The following BNC2 variants were observed in gnomAD, a reference collection of about 807,000 sequenced individuals.
BNC2 encodes basonuclin zinc finger protein 2.
In BNC2, 20 loss-of-function variants were observed where a neutral mutation model predicts 76.3. The observed-to-expected ratio is 0.26, with a 90% CI of 0.18 to 0.38. BNC2 has a LOEUF of 0.38. BNC2 is among the 10% of genes least tolerant of loss of function. The probability of loss-of-function intolerance (pLI) is 1.00; values close to 1 mark genes in which losing one functional copy is unlikely to be tolerated. For missense variants in BNC2, 1,382 were observed against 1,399.8 expected (o/e 0.99, Z 0.20); for synonymous variants, 582 against 514.8 (o/e 1.13, Z -1.77).
chr9:16,793,735 G>T (rs1487681071), intron 1 of BNC2, among the ~76,000 whole-genome samples: 4 of 133,976 alleles, frequency 3.0e-5, no homozygotes, highest in Non-Finnish European at 6.1e-5. Context: ...GCGTGATCTG[G>T]GCTCATTGCA....
At chr9:16,532,987 C>T (rs1818028086) in intron 5 of BNC2, among the ~76,000 whole-genome samples, 2 of 152,312 alleles carry the variant, frequency 1.3e-5, no homozygotes, top group South Asian at 2.1e-4. Flanking sequence ...CAACACAACG[C>T]TAGCAATGTC....
intron 3 of BNC2, among the ~76,000 whole-genome samples, chr9:16,711,488 T>C (rs918940814): frequency 1.3e-5 from 2 of 152,246 alleles, no homozygotes; most frequent in Non-Finnish European, 2.9e-5. Context: ...AAGTGATTAT[T>C]GTTCGAAGAT....
At chr9:16,605,408 C>G (rs569861532) in intron 3 of BNC2, among the ~76,000 whole-genome samples, 23 of 152,336 alleles carry the variant, frequency 1.5e-4, no homozygotes, top group African/African-American at 5.5e-4. Flanking sequence ...CTCAATTTTA[C>G]AGGTAAAAAC....
intron 3 of BNC2, among the ~76,000 whole-genome samples, chr9:16,604,782 A>C (rs1165866622): frequency 6.6e-6 from 1 of 152,116 alleles, no homozygotes; most frequent in Non-Finnish European, 1.5e-5. Context: ...CAGCCTGGGC[A>C]ACAGAGAGAG....
intron 5 of BNC2, among the ~76,000 whole-genome samples, chr9:16,528,624 G>A (rs1658247026): frequency 6.6e-6 from 1 of 152,100 alleles, no homozygotes; most frequent in South Asian, 2.1e-4. Flanking sequence ...TAATGACCTG[G>A]CAATTCTACT....
At chr9:16,494,505 G>A (rs144951278) in intron 5 of BNC2, among the ~76,000 whole-genome samples, 136 of 152,218 alleles carry the variant, frequency 8.9e-4, no homozygotes, top group African/African-American at 3.1e-3. Context: ...ACCTGAAATG[G>A]TGTGGGTGAG....
At chr9:16,791,782 G>A (rs566071248) in intron 1 of BNC2, among the ~76,000 whole-genome samples, 1 of 152,132 alleles carries the variant, frequency 6.6e-6, no homozygotes, top group Non-Finnish European at 1.5e-5. Flanking sequence ...GACCAAAAGA[G>A]AAAATAGATT....
chr9:16,679,962 G>A (rs995222672), intron 3 of BNC2, among the ~76,000 whole-genome samples: 5 of 152,126 alleles, frequency 3.3e-5, no homozygotes, highest in Non-Finnish European at 4.4e-5. Context: ...TTTTCCACAG[G>A]GATCTGTTTG....
chr9:16,434,540 G>A (rs1217729063), intron 6 of BNC2, among the ~76,000 whole-genome samples: 1 of 152,188 alleles, frequency 6.6e-6, no homozygotes, highest in Non-Finnish European at 1.5e-5. Context: ...TAACTGCTGT[G>A]TGACCCGAGT....
chr9:16,743,936 T>G (rs181603636), intron 1 of BNC2, among the ~76,000 whole-genome samples: 211 of 149,528 alleles, frequency 1.4e-3, no homozygotes, highest in African/African-American at 4.9e-3. Context: ...CATCTTATAC[T>G]TTTATTCCTA....
At chr9:16,858,740 G>A (rs56155231) in intron 1 of BNC2, among the ~76,000 whole-genome samples, 22,265 of 151,866 alleles carry the variant, frequency 0.15, 2,412 homozygotes, top group African/African-American at 0.3. Context: ...CAGCTACTCG[G>A]GAGGCTGAGG....
intron 1 of BNC2, among the ~76,000 whole-genome samples, chr9:16,813,234 A>T (rs954210686): frequency 1.1e-4 from 16 of 151,758 alleles, no homozygotes; most frequent in African/African-American, 3.1e-4. Flanking sequence ...TATACCCACA[A>T]CATTACCATA....
chr9:16,697,654 T>A (rs1017269022), intron 3 of BNC2, among the ~76,000 whole-genome samples: 1 of 149,964 alleles, frequency 6.7e-6, no homozygotes, highest in East Asian at 2.0e-4. Context: ...ACCTGGGAGA[T>A]GGAGGTGGCA....
chr9:16,710,349 G>A (rs1823801142), intron 3 of BNC2, among the ~76,000 whole-genome samples: 1 of 152,154 alleles, frequency 6.6e-6, no homozygotes, highest in Non-Finnish European at 1.5e-5. Flanking sequence ...ATAAATATTA[G>A]AGATTGAAAT....
chr9:16,811,736 A>T (rs989267799), intron 1 of BNC2, among the ~76,000 whole-genome samples: 4 of 152,142 alleles, frequency 2.6e-5, no homozygotes, highest in African/African-American at 7.2e-5. Context: ...GGCACTCCAA[A>T]AACGCATTTG....
chr9:16,652,464 CCTTA>C (rs1175453685), intron 3 of BNC2, among the ~76,000 whole-genome samples: 10 of 129,860 alleles, frequency 7.7e-5, no homozygotes, highest in Admixed American at 5.8e-4. Context: ...AAAGTGAATG[CCTTA>C]CTTGTTATTT....
chr9:16,504,090 C>A (rs908371581), intron 5 of BNC2, among the ~76,000 whole-genome samples: 1 of 152,070 alleles, frequency 6.6e-6, no homozygotes, highest in Non-Finnish European at 1.5e-5. Context: ...ATCACCTGCA[C>A]CTACTAGATG....
intron 1 of BNC2, among the ~76,000 whole-genome samples, chr9:16,831,086 T>G (rs1330917947): frequency 1.3e-5 from 2 of 152,074 alleles, no homozygotes; most frequent in Non-Finnish European, 2.9e-5. Context: ...CCTAAAACAA[T>G]CAGTGTCAAG....
chr9:16,727,721 A>G (rs1587357761), intron 3 of BNC2, 76 bp downstream of exon 3: 2 of 1,277,284 alleles, frequency 1.6e-6, no homozygotes, highest in East Asian at 2.3e-5. Context: ...GAAAAACACC[A>G]GAAACAAAAG....
Sources: gnomAD v4.1 joint callset for allele counts (sites outside exome capture counted in the v4.1 genomes callset) on GRCh38, gnomAD v4.1.1 for gene constraint, MANE v1.5 for transcripts, NCBI Gene and HGNC (gene_info 2026-07-23, HGNC 2026-07-21) for gene names.